Variants in WNK3 observed in about 807,000 individuals in gnomAD.
The protein encoded by WNK3 is serine/threonine-protein kinase WNK3.
In WNK3, 18 loss-of-function variants were observed where a neutral mutation model predicts 116.7. That is an observed-to-expected ratio of 0.15 (90% CI 0.11 to 0.23). The LOEUF is 0.23. Ranked by LOEUF, WNK3 falls within the 10% of genes least tolerant of loss-of-function variation. WNK3 has a pLI of 1.00. For missense variants in WNK3, 993 were observed against 1,323.8 expected, an observed-to-expected ratio of 0.75 and a Z score of 3.88; for synonymous variants, 404 against 469.4, an observed-to-expected ratio of 0.86 and a Z score of 1.80.
At chrX:54,306,761 A>C (rs2068830348) in intron 5 of WNK3, among the ~76,000 whole-genome samples, 1 of 110,889 alleles carries the variant, frequency 9.0e-6, no homozygotes, top group African/African-American at 3.3e-5. Context: ...ATATACTGTA[A>C]ATTTCAAAAT....
At chrX:54,313,477 G>A (rs1191322432) in intron 2 of WNK3, among the ~76,000 whole-genome samples, 4 of 109,531 alleles carry the variant, frequency 3.7e-5, no homozygotes, top group East Asian at 2.9e-4. Flanking sequence ...TCAGCCTCCC[G>A]AGTAGCTGTG....
At chrX:54,318,934 C>G (rs1430534465) in intron 2 of WNK3, among the ~76,000 whole-genome samples, 6 of 109,532 alleles carry the variant, frequency 5.5e-5, no homozygotes, top group Non-Finnish European at 1.1e-4. Context: ...CCCGCCATCA[C>G]GCCTGACTAA....
At chrX:54,315,984 C>T (rs963289422) in intron 2 of WNK3, among the ~76,000 whole-genome samples, 1 of 111,309 alleles carries the variant, frequency 9.0e-6, no homozygotes, top group Non-Finnish European at 1.9e-5. Flanking sequence ...AAAATGACCC[C>T]GTCTACCCTT....
exon 2 of WNK3, chrX:54,333,379 T>C (rs781893776): frequency 3.3e-6 from 4 of 1,211,351 alleles, no homozygotes; most frequent in Non-Finnish European, 4.5e-6. Flanking sequence ...TGTCCACCTC[T>C]CAACACATTT....
chrX:54,291,227 C>A (rs782245387), intron 10 of WNK3, among the ~76,000 whole-genome samples: 2 of 110,524 alleles, frequency 1.8e-5, no homozygotes, highest in Non-Finnish European at 3.8e-5. Flanking sequence ...GCAGAAGAAT[C>A]GTTTGAACCC....
intron 1 of WNK3, among the ~76,000 whole-genome samples, chrX:54,351,396 G>C (rs1323610139): frequency 9.1e-6 from 1 of 109,869 alleles, no homozygotes; most frequent in Non-Finnish European, 1.9e-5. Flanking sequence ...CAGGAAGTTG[G>C]GTTAAAAGGC....
intron 2 of WNK3, among the ~76,000 whole-genome samples, chrX:54,315,654 T>C (rs1487655990): frequency 8.9e-6 from 1 of 112,034 alleles, no homozygotes; most frequent in Non-Finnish European, 1.9e-5. Flanking sequence ...AGATTCTTTT[T>C]TCTTGGTTAG....
chrX:54,350,494 G>T (rs112669785), intron 1 of WNK3, among the ~76,000 whole-genome samples: 1,203 of 111,372 alleles, frequency 0.011, 14 homozygotes, highest in African/African-American at 0.038. Flanking sequence ...AAACAGAGGG[G>T]TACAAACTCA....
At chrX:54,230,761 A>C (rs1557148770) in intron 21 of WNK3, among the ~76,000 whole-genome samples, 1 of 112,602 alleles carries the variant, frequency 8.9e-6, no homozygotes, top group African/African-American at 3.2e-5. Context: ...ACTAGAAACA[A>C]CCCAAATGTC....
In WNK3 at chrX:54,333,381, A is replaced by C. The variant is rs149686278; in HGVS notation, c.293T>G (p.Leu98Trp). 228 of 1,209,464 alleles carry C rather than the reference A, an allele frequency of 1.9e-4. No homozygotes were observed. In the East Asian group the frequency reaches 6.7e-3, roughly 36 times the overall value. Reference sequence around the variant, plus strand: ...ATATTTAACTTCTTGTCCACCTCTCAACACATTTGAAGGAAGCTTATCTAC... The same window carrying C: ...ATATTTAACTTCTTGTCCACCTCTCCACACATTTGAAGGAAGCTTATCTAC... The change falls in exon 2 of 24, where the codon TTG becomes TGG. Residue 98 changes from leucine (L) to tryptophan (W), a missense_variant. Coordinates refer to ENST00000354646, the Ensembl canonical transcript of WNK3.
intron 10 of WNK3, among the ~76,000 whole-genome samples, chrX:54,263,751 A>C (rs2068281060): frequency 9.0e-6 from 1 of 111,715 alleles, no homozygotes; most frequent in African/African-American, 3.2e-5. Flanking sequence ...CCTGGTTAAC[A>C]GTGGAATTTT....
chrX:54,284,024 C>T (rs1557163374), intron 10 of WNK3, among the ~76,000 whole-genome samples: 2 of 110,296 alleles, frequency 1.8e-5, no homozygotes, highest in East Asian at 5.6e-4. Context: ...AAAGTAGTAA[C>T]TACAATAGAA....
At chrX:54,318,534 A>G (rs979767420) in intron 2 of WNK3, among the ~76,000 whole-genome samples, 1 of 109,939 alleles carries the variant, frequency 9.1e-6, no homozygotes, top group Non-Finnish European at 1.9e-5. Context: ...CAACAAAACA[A>G]GACCCCAACT....
intron 10 of WNK3, among the ~76,000 whole-genome samples, chrX:54,283,264 C>T (rs976449326): frequency 4.5e-5 from 5 of 110,379 alleles, no homozygotes; most frequent in Non-Finnish European, 7.6e-5. Flanking sequence ...GGCTATATGG[C>T]GAGACCTCAT....
Position 54,252,540 on chromosome X carries a change from T to G in WNK3, c.2368-853A>C, listed in dbSNP as rs1481849395. Among the ~76,000 whole-genome samples, 4 of 108,658 alleles carry G rather than the reference T, an allele frequency of 3.7e-5. No homozygotes were observed. The South Asian group carries it at 1.6e-3, about 44-fold the overall frequency. The allele number at this position is 108,658 out of a possible 115,157, so 94.4% of individuals were successfully genotyped here. A position where few individuals can be genotyped will look rare whatever the true frequency, so the allele number is the denominator to read the frequency against. ...CAAAAATTAGCTGGGTGTGGTGGCGTGCGCCTGTAATCCCAGCTACTTGGG... is the reference window on the plus strand; with the variant it reads ...CAAAAATTAGCTGGGTGTGGTGGCGGGCGCCTGTAATCCCAGCTACTTGGG... On this transcript the variant is annotated intron_variant, in intron 13 of 23. Transcript: ENST00000354646.
chrX:54,308,166 G>T, intron 4 of WNK3, 87 bp from the exon 5 acceptor site: 2 of 837,860 alleles, frequency 2.4e-6, no homozygotes, highest in South Asian at 3.9e-5. Flanking sequence ...AGGATTATCT[G>T]TGTTAATTTC....
At chrX:54,240,301 T>C (rs1453621021) in intron 17 of WNK3, among the ~76,000 whole-genome samples, 2 of 107,646 alleles carry the variant, frequency 1.9e-5, no homozygotes, top group African/African-American at 3.5e-5. Context: ...GAAACTCTTG[T>C]TTCAAAAAAA....
At chrX:54,358,574 C>G (rs1360736104), upstream of WNK3, 1 of 112,186 alleles carries the variant, frequency 8.9e-6, no homozygotes, top group East Asian at 2.8e-4. Context: ...GTCGAAGCAC[C>G]GATTTACAAA....
At chrX:54,358,423 C>G (rs1557179777), upstream of WNK3, 1 of 111,332 alleles carries the variant, frequency 9.0e-6, no homozygotes, top group Non-Finnish European at 1.9e-5. Flanking sequence ...ACCCTTGGGT[C>G]TCCGCGAGCC....
Sources: gnomAD v4.1 joint callset for allele counts (sites outside exome capture counted in the v4.1 genomes callset) on GRCh38, gnomAD v4.1.1 for gene constraint, MANE v1.5 for transcripts, NCBI Gene and HGNC (gene_info 2026-07-23, HGNC 2026-07-21) for gene names.